The following C1QTNF7 variants were observed in gnomAD, a reference collection of about 807,000 sequenced individuals.
C1QTNF7 encodes the protein C1q and TNF related 7.
In C1QTNF7, 15 loss-of-function variants were observed where a neutral mutation model predicts 19.6. The observed-to-expected ratio is 0.76, with a 90% confidence interval of 0.51 to 1.18. C1QTNF7 has a LOEUF of 1.18. C1QTNF7 is among the 50% of genes most tolerant of loss of function. The pLI, the probability that C1QTNF7 is intolerant of heterozygous loss-of-function variation, is 0.00. For synonymous variants in C1QTNF7, 142 were observed against 137.5 expected (o/e 1.03, Z -0.23); for missense variants, 324 against 359.7 (o/e 0.90, Z 0.80).
chr4:15,394,865 G>C (rs1718725406), intron 1 of C1QTNF7, among the ~76,000 whole-genome samples: 1 of 151,802 alleles, frequency 6.6e-6, no homozygotes. Flanking sequence ...GCACCCAAGG[G>C]GATTCTCATT....
intron 1 of C1QTNF7, among the ~76,000 whole-genome samples, chr4:15,365,813 T>C (rs574379653): frequency 6.6e-6 from 1 of 152,296 alleles, no homozygotes; most frequent in South Asian, 2.1e-4. Flanking sequence ...TCCCAACGGC[T>C]GTATTCCTTG....
At chr4:15,420,951 T>A (rs1231838428) in intron 1 of C1QTNF7, among the ~76,000 whole-genome samples, 2 of 149,758 alleles carry the variant, frequency 1.3e-5, no homozygotes, top group Non-Finnish European at 3.0e-5. Context: ...GCTGAGGACA[T>A]TGTTTTGGCT....
intron 1 of C1QTNF7, among the ~76,000 whole-genome samples, chr4:15,365,538 T>C (rs973280775): frequency 4.6e-5 from 7 of 152,202 alleles, no homozygotes; most frequent in African/African-American, 1.7e-4. Flanking sequence ...TGTCTGTTAG[T>C]CACAACTCTT....
chr4:15,414,029 T>C (rs1719499800), intron 1 of C1QTNF7, among the ~76,000 whole-genome samples: 1 of 152,222 alleles, frequency 6.6e-6, no homozygotes, highest in African/African-American at 2.4e-5. Flanking sequence ...CACTATCTTT[T>C]TGATTCACAC....
At chr4:15,341,551 A>G (rs10033910) in intron 1 of C1QTNF7, among the ~76,000 whole-genome samples, 2,640 of 152,252 alleles carry the variant, frequency 0.017, 71 homozygotes, top group African/African-American at 0.061. Context: ...CCCATAGTTA[A>G]TGCAGCGAGT....
intron 1 of C1QTNF7, among the ~76,000 whole-genome samples, chr4:15,342,346 T>C (rs1716576135): frequency 6.6e-6 from 1 of 152,190 alleles, no homozygotes; most frequent in African/African-American, 2.4e-5. Flanking sequence ...GGACCTGAAA[T>C]GCCCCAAGGT....
At position 15,406,736 on chromosome 4, in the gene C1QTNF7, T is replaced by C. The variant is rs368699713; in HGVS notation, c.14-29000T>C. Among the ~76,000 whole-genome samples, 6 of 152,228 alleles carry C rather than the reference T, an allele frequency of 3.9e-5. 1 individual carries two copies. In the South Asian group the frequency reaches 1.2e-3, roughly 31 times the overall value. ...ATTTAAAAATTACTCTGTAGAATTATATTTTACTATTTAAAAATTGATCAT... is the reference window on the plus strand; with the variant it reads ...ATTTAAAAATTACTCTGTAGAATTACATTTTACTATTTAAAAATTGATCAT... On this transcript the variant is annotated intron_variant, in intron 1 of 2. Transcript: ENST00000295297.
intron 1 of C1QTNF7, among the ~76,000 whole-genome samples, chr4:15,383,269 C>T (rs1360672815): frequency 6.6e-6 from 1 of 152,118 alleles, no homozygotes; most frequent in Non-Finnish European, 1.5e-5. Flanking sequence ...TGATAATTTT[C>T]ATGCAGCCAG....
chr4:15,391,036 G>A (rs1334355939), intron 1 of C1QTNF7, among the ~76,000 whole-genome samples: 5 of 152,090 alleles, frequency 3.3e-5, no homozygotes, highest in Non-Finnish European at 7.3e-5. Context: ...CAAGAAAATG[G>A]GGAAGGGTGC....
chr4:15,350,972 A>C (rs1205768000), intron 1 of C1QTNF7, among the ~76,000 whole-genome samples: 1 of 152,220 alleles, frequency 6.6e-6, no homozygotes, highest in African/African-American at 2.4e-5. Flanking sequence ...GTCCCTATCA[A>C]CTTGGATTAA....
intron 1 of C1QTNF7, among the ~76,000 whole-genome samples, chr4:15,430,872 C>T (rs1017210835): frequency 2.0e-5 from 3 of 152,084 alleles, no homozygotes; most frequent in African/African-American, 7.2e-5. Context: ...GAAAGAAAAG[C>T]ACAAGGATTC....
At chr4:15,406,942 A>G (rs1253363219) in intron 1 of C1QTNF7, among the ~76,000 whole-genome samples, 1 of 152,078 alleles carries the variant, frequency 6.6e-6, no homozygotes, top group African/African-American at 2.4e-5. Flanking sequence ...TTGTTTATTC[A>G]TCTACTCTAA....
At chr4:15,348,561 A>G (rs953181485) in intron 1 of C1QTNF7, among the ~76,000 whole-genome samples, 3 of 152,172 alleles carry the variant, frequency 2.0e-5, no homozygotes, top group Non-Finnish European at 4.4e-5. Flanking sequence ...GGAAATGCCC[A>G]TCAGTAAATA....
chr4:15,389,124 G>A lies in C1QTNF7; in HGVS notation c.14-46612G>A, dbSNP rs528582007. Among the ~76,000 whole-genome samples, 18 of 152,292 alleles carry A rather than the reference G, an allele frequency of 1.2e-4. No individual in the cohort carries two copies. In the Middle Eastern group the frequency reaches 0.01, roughly 86 times the overall value. On this transcript the variant is annotated intron_variant, in intron 1 of 2. Transcript: ENST00000295297. Reference sequence around the variant, plus strand: ...GATACAGGGGACTTTGCTGATGAGCGGCCTTGAGTTTTAAGGGGCAGTAGG... The same window carrying A: ...GATACAGGGGACTTTGCTGATGAGCAGCCTTGAGTTTTAAGGGGCAGTAGG...
chr4:15,381,998 C>T (rs893213714), intron 1 of C1QTNF7: 1 of 152,152 alleles, frequency 6.6e-6, no homozygotes, highest in Non-Finnish European at 1.5e-5. Flanking sequence ...TTTCAAAGTG[C>T]CATCTGTTTG....
intron 1 of C1QTNF7, among the ~76,000 whole-genome samples, chr4:15,388,408 GC>G (rs953989002): frequency 1.3e-4 from 20 of 152,150 alleles, no homozygotes; most frequent in African/African-American, 4.8e-4. Flanking sequence ...ATAAAGAGGG[GC>G]CAAGGAGTCA....
chr4:15,353,438 G>A (rs978751600), intron 1 of C1QTNF7, among the ~76,000 whole-genome samples: 1 of 152,126 alleles, frequency 6.6e-6, no homozygotes, highest in African/African-American at 2.4e-5. Flanking sequence ...TTCTTCAAAA[G>A]CTAATCTAAC....
chr4:15,400,607 G>T (rs1418965777), intron 1 of C1QTNF7, among the ~76,000 whole-genome samples: 1 of 152,120 alleles, frequency 6.6e-6, no homozygotes, highest in Non-Finnish European at 1.5e-5. Flanking sequence ...TGAACGGTCT[G>T]CTCTGATCCA....
At chr4:15,340,805 C>G (rs1363480119) in intron 1 of C1QTNF7, among the ~76,000 whole-genome samples, 1 of 152,140 alleles carries the variant, frequency 6.6e-6, no homozygotes, top group Non-Finnish European at 1.5e-5. Flanking sequence ...CAGTTCAACT[C>G]AACATTCATT....
Sources: allele counts gnomAD v4.1 joint callset (sites outside exome capture counted in the v4.1 genomes callset), GRCh38; gene constraint gnomAD v4.1.1; transcripts MANE v1.5; gene names NCBI Gene and HGNC (gene_info 2026-07-23, HGNC 2026-07-21).